The following GRAMD4 variants were observed in gnomAD, a reference collection of about 807,000 sequenced individuals.
GRAMD4 encodes the protein GRAM domain containing 4.
GRAMD4 carries 25 observed loss-of-function variants against 83.9 expected under a neutral mutation model. The observed-to-expected ratio is 0.30, with a 90% CI of 0.22 to 0.42. The LOEUF is 0.42. Among genes scored for constraint, GRAMD4 ranks in the 10% least tolerant of loss-of-function variants. The pLI is 1.00. For missense variants in GRAMD4, 593 were observed against 788.7 expected (o/e 0.75, Z 2.97); for synonymous variants, 336 against 320.9 (o/e 1.05, Z -0.50).
chr22:46,669,704 T>A (rs2082472003), intron 13 of GRAMD4, among the ~76,000 whole-genome samples: 1 of 151,936 alleles, frequency 6.6e-6, no homozygotes, highest in African/African-American at 2.4e-5. Flanking sequence ...GCCTCCCAAG[T>A]AGCTGGGACT....
Position 46,677,373 on chromosome 22 carries a change from G to A in GRAMD4, c.*122G>A. On this transcript the variant is annotated 3_prime_UTR_variant, in exon 19 of 19. Transcript: ENST00000406902. ...CATGAGCTTTTGCAATAATTCTCCT[G>A]GACCTGTGGTTCTATTGTGTTGACC... 2 of 1,443,052 alleles carry A rather than the reference G, an allele frequency of 1.4e-6. No individual in the cohort carries two copies. Among genetic ancestry groups the A allele is most frequent in the Non-Finnish European group, 1.8e-6 (2 of 1,101,826 alleles). The allele number at this position is 1,443,052 out of a possible 1,614,324, so 89.4% of individuals were successfully genotyped here.
chr22:46,682,371 C>A, downstream of GRAMD4: 1 of 933,988 alleles, frequency 1.1e-6, no homozygotes, highest in Non-Finnish European at 1.3e-6. Context: ...CTGTTACTAT[C>A]TGTAAATGAT....
intron 1 of GRAMD4, among the ~76,000 whole-genome samples, chr22:46,602,071 T>C (rs781673778): frequency 1.2e-4 from 19 of 152,222 alleles, no homozygotes; most frequent in Non-Finnish European, 2.6e-4. Flanking sequence ...GGGCTCTCCA[T>C]GGTGGTGCAC....
upstream of GRAMD4, among the ~76,000 whole-genome samples, chr22:46,617,764 C>T (rs1050798025): frequency 2.0e-5 from 3 of 152,106 alleles, no homozygotes; most frequent in Non-Finnish European, 2.9e-5. Context: ...GCCCTGGGCC[C>T]GCTCCCTGGC....
chr22:46,660,091 C>G (rs2082305648), intron 4 of GRAMD4, among the ~76,000 whole-genome samples: 1 of 152,188 alleles, frequency 6.6e-6, no homozygotes, highest in African/African-American at 2.4e-5. Context: ...CTCCCGCCAG[C>G]CCCACTCCAG....
intron 1 of GRAMD4, among the ~76,000 whole-genome samples, chr22:46,623,457 G>A (rs1203598988): frequency 6.6e-6 from 1 of 152,034 alleles, no homozygotes; most frequent in Non-Finnish European, 1.5e-5. Context: ...GTGCAGTCTC[G>A]GCTCATTGCA....
At chr22:46,681,169 T>G (rs886689383), downstream of GRAMD4, among the ~76,000 whole-genome samples, 1 of 149,060 alleles carries the variant, frequency 6.7e-6, no homozygotes, top group Non-Finnish European at 1.5e-5. Flanking sequence ...CACTGACCCC[T>G]CCACACAGAC....
intron 13 of GRAMD4, among the ~76,000 whole-genome samples, chr22:46,671,927 A>T (rs190737264): frequency 6.6e-6 from 1 of 152,364 alleles, no homozygotes. Context: ...CAAAAAATGA[A>T]ACAAAGGCAC....
At chr22:46,581,711 C>G (rs1253440124) in intron 1 of GRAMD4, among the ~76,000 whole-genome samples, 1 of 152,220 alleles carries the variant, frequency 6.6e-6, no homozygotes, top group Admixed American at 6.5e-5. Flanking sequence ...GCATTTCACG[C>G]AGGAGGAAGC....
In GRAMD4 at chr22:46,663,831, C is replaced by G. The variant is rs756837955; in HGVS notation, c.600-7C>G. The G allele has an allele frequency of 3.7e-6, 6 of 1,613,288 alleles. No homozygotes were observed. The highest frequency in any genetic ancestry group is 5.1e-6 in the Non-Finnish European group (6 of 1,179,870). On this transcript the variant is annotated splice_region_variant and splice_polypyrimidine_tract_variant and intron_variant, in intron 6 of 18. Transcript: ENST00000406902. ...CCTGGGCTCCCATCTCTCCCCTTCT[C>G]TCTTAGGTTAACTGAAAATATGAGA...
In GRAMD4 at chr22:46,659,707, GGGGGGCTCATGT is replaced by G. The variant is rs570359325; in HGVS notation, c.404+1419_404+1430del. On this transcript the variant is annotated intron_variant, in intron 4 of 18. Transcript: ENST00000406902. The surrounding 1 kb of genome is among the most constrained non-coding windows in gnomAD (Gnocchi z 4.1). ...TCAGCATGACCTTGTGGAGTGCCCTGGGGGGCTCATGTGGGGGCTCATGTGGGGGCATCCAGC... is the reference window on the plus strand; with the variant it reads ...TCAGCATGACCTTGTGGAGTGCCCTGGGGGGCTCATGTGGGGGCATCCAGC... 4.5e-3 allele frequency among the ~76,000 whole-genome samples: 679 copies of G among 152,030 alleles called. 5 individuals are homozygous for G. The highest frequency in any genetic ancestry group is 0.015 in the African/African-American group (626 of 41,460).
chr22:46,625,823 G>C (rs563960257), intron 1 of GRAMD4, among the ~76,000 whole-genome samples: 1 of 152,384 alleles, frequency 6.6e-6, no homozygotes, highest in African/African-American at 2.4e-5. Flanking sequence ...GCCAGGTCGG[G>C]CAGCGATGTG....
Position 46,664,022 on chromosome 22 carries a change from C to T in GRAMD4, c.626-4C>T, listed in dbSNP as rs761350618. ...CTGACCACTGTGGTCTGCTCTGTCC[C>T]CAGAGCGCGGTGCCAAGCCGGTCAC... On this transcript the variant is annotated splice_region_variant and splice_polypyrimidine_tract_variant and intron_variant, in intron 7 of 18. Transcript: ENST00000406902. 9.9e-6 allele frequency: 16 copies of T among 1,609,826 alleles called. No homozygotes were observed. Among genetic ancestry groups the T allele is most frequent in the Non-Finnish European group, 1.4e-5 (16 of 1,176,606 alleles).
Position 46,651,977 on chromosome 22 carries a change from G to C in GRAMD4, c.284-6210G>C, listed in dbSNP as rs140994120. ...TGCCAGGGGCAGGAAAGTCCACGCC[G>C]GGCCAGGTGGAAGGAAGAGGACTGT... On this transcript the variant is annotated intron_variant, in intron 3 of 18. Coordinates refer to ENST00000406902, the MANE Select transcript of GRAMD4 (RefSeq NM_015124.5). 8.1e-3 allele frequency among the ~76,000 whole-genome samples: 1,231 copies of C among 152,252 alleles called. 27 individuals carry two copies. Among genetic ancestry groups the C allele is most frequent in the Admixed American group, 0.047 (715 of 15,300 alleles).
chr22:46,673,038 G>T (rs135662), intron 14 of GRAMD4, 41 bp downstream of exon 14: 568,719 of 1,506,646 alleles, frequency 0.38, 111,637 homozygotes, highest in Non-Finnish European at 0.4. Flanking sequence ...GGGATGGGGG[G>T]CCACGAAGCC....
At position 46,598,424 on chromosome 22, in the gene GRAMD4, G is replaced by C. The variant is rs12160966; in HGVS notation, c.-50+21134G>C. Among the ~76,000 whole-genome samples, 833 of 152,232 alleles carry C rather than the reference G, an allele frequency of 5.5e-3. 8 individuals are homozygous for C. Among genetic ancestry groups the C allele is most frequent in the African/African-American group, 0.019 (800 of 41,536 alleles). On this transcript the variant is annotated intron_variant, in intron 1 of 1. Coordinates refer to the GRAMD4 transcript ENST00000431155. ...TGGATGGACTGGTTATTTGCACCTCGGTGTTTGTTGCCAGAGGATTCTAAT... is the reference window on the plus strand; with the variant it reads ...TGGATGGACTGGTTATTTGCACCTCCGTGTTTGTTGCCAGAGGATTCTAAT...
chr22:46,640,260 G>T (rs1051882745), intron 3 of GRAMD4, among the ~76,000 whole-genome samples: 6 of 152,216 alleles, frequency 3.9e-5, no homozygotes, highest in African/African-American at 1.2e-4. Context: ...CTTTCAGGGA[G>T]CAGGTGCTCT....
intron 1 of GRAMD4, among the ~76,000 whole-genome samples, chr22:46,609,595 C>A (rs2081398057): frequency 6.6e-6 from 1 of 152,218 alleles, no homozygotes; most frequent in African/African-American, 2.4e-5. Context: ...CTCACCCATT[C>A]ATTTGCTGCC....
rs145884082 is a variant in GRAMD4, at chr22:46,621,337, G to A, written c.-50+772G>A. ...ATGTCCACCTCGTACCTGTGGACCC[G>A]ACCTTACTTGGAAATGGCTCTTTGC... is the stretch of plus-strand genomic sequence containing the variant. On this transcript the variant is annotated intron_variant, in intron 1 of 18. Transcript: ENST00000406902. This position sits in a 1 kb window ranked among gnomAD's most constrained non-coding sequence, Gnocchi z 5.8. 4.3e-4 allele frequency among the ~76,000 whole-genome samples: 66 copies of A among 152,322 alleles called. No individual in the cohort carries two copies. Among genetic ancestry groups the A allele is most frequent in the Non-Finnish European group, 5.4e-4 (37 of 68,012 alleles).
Sources: gnomAD v4.1 joint callset for allele counts (sites outside exome capture counted in the v4.1 genomes callset) on GRCh38, gnomAD v4.1.1 for gene constraint, Gnocchi (gnomAD v3.1) non-coding constraint, MANE v1.5 for transcripts, NCBI Gene and HGNC (gene_info 2026-07-23, HGNC 2026-07-21) for gene names.